FAM204A: variants seen among roughly 807,000 people sequenced by gnomAD.
The protein encoded by FAM204A is protein FAM204A.
FAM204A carries 16 observed loss-of-function variants against 35.4 expected under a neutral mutation model. The observed-to-expected ratio is 0.45, with a 90% CI of 0.31 to 0.69. FAM204A has a LOEUF of 0.69. FAM204A is among the 30% of genes least tolerant of loss of function. The pLI, the probability that FAM204A is intolerant of heterozygous loss-of-function variation, is 0.07. For synonymous variants in FAM204A, 76 were observed against 86.9 expected (o/e 0.88, Z 0.70); for missense variants, 240 against 265.7 (o/e 0.90, Z 0.67).
rs1043103269 is a variant in FAM204A, at chr10:118,302,557, C to T, written c.*8300G>A. The T allele has an allele frequency of 9.9e-5, 15 of 152,206 alleles. No individual in the cohort carries two copies. Among genetic ancestry groups the T allele is most frequent in the Admixed American group, 5.2e-4 (8 of 15,290 alleles). The allele number at this position is 152,206 out of a possible 1,614,324, so 9.4% of individuals were successfully genotyped here. On this transcript the variant is annotated 3_prime_UTR_variant, in exon 9 of 9. Coordinates refer to ENST00000369183, the MANE Select transcript of FAM204A (RefSeq NM_022063.3). Reference sequence around the variant, plus strand: ...GGACTTTAATTAAGCCCTCCACCATCGGGAATGGAACTTTTATGTACATGG... The same window carrying T: ...GGACTTTAATTAAGCCCTCCACCATTGGGAATGGAACTTTTATGTACATGG...
intron 2 of FAM204A, chr10:118,337,266 T>C (rs1846403574): frequency 2.0e-6 from 2 of 984,438 alleles, no homozygotes; most frequent in Non-Finnish European, 2.4e-6. Flanking sequence ...TTAGCACATA[T>C]ATTGAGCCAA....
chr10:118,331,843 T>TTATATATATATATA (rs55733401), intron 6 of FAM204A, among the ~76,000 whole-genome samples: 4 of 142,436 alleles, frequency 2.8e-5, no homozygotes, highest in African/African-American at 7.7e-5. Flanking sequence ...TTTGTTACCT[T>TTATATATATATATA]TATATATATA....
chr10:118,319,610 G>A (rs146650548), intron 7 of FAM204A, among the ~76,000 whole-genome samples: 11 of 151,918 alleles, frequency 7.2e-5, no homozygotes, highest in African/African-American at 2.4e-4. Flanking sequence ...CAGCACTAAG[G>A]GCTGAAGTCA....
chr10:118,324,818 A>T (rs943045492), intron 7 of FAM204A, among the ~76,000 whole-genome samples: 2 of 152,178 alleles, frequency 1.3e-5, no homozygotes, highest in Non-Finnish European at 2.9e-5. Context: ...GCTAAAAATG[A>T]TTAAGACAGT....
chr10:118,335,066 C>T (rs531272888), intron 6 of FAM204A, 48 bp downstream of exon 6: 5 of 1,392,808 alleles, frequency 3.6e-6, no homozygotes, highest in Non-Finnish European at 5.1e-6. Flanking sequence ...AGGCTAATCA[C>T]AAACATATCC....
intron 2 of FAM204A, among the ~76,000 whole-genome samples, chr10:118,336,788 T>G (rs11198367): frequency 0.21 from 31,476 of 152,040 alleles, 3,603 homozygotes; most frequent in East Asian, 0.35. Context: ...ACAACATACT[T>G]TGCAAGCAAT....
chr10:118,329,250 T>C (rs1846250560), intron 6 of FAM204A, among the ~76,000 whole-genome samples: 1 of 152,186 alleles, frequency 6.6e-6, no homozygotes, highest in South Asian at 2.1e-4. Flanking sequence ...ATTTGGAATA[T>C]TATAACCATC....
At position 118,298,989 on chromosome 10, in the gene FAM204A, T is replaced by G. The variant is rs895758935; in HGVS notation, c.*11868A>C. On this transcript the variant is annotated 3_prime_UTR_variant, in exon 9 of 9. Transcript: ENST00000369183. ...TAGCAACCACTAGACATTGTTTTGC[T>G]GCTTCACTCTAGAGAAGCCAAAATG... The G allele has an allele frequency of 2.6e-5, 4 of 152,242 alleles. No homozygotes were observed. The highest frequency in any genetic ancestry group is 2.0e-4 in the Admixed American group (3 of 15,290). 9.4% of individuals were successfully genotyped at this position (152,242 alleles called of 1,614,324 possible).
chr10:118,340,129 C>A (rs1423676060), intron 2 of FAM204A, among the ~76,000 whole-genome samples: 2 of 152,088 alleles, frequency 1.3e-5, no homozygotes, highest in Admixed American at 1.3e-4. Context: ...AGGAAAAGAC[C>A]AATTTAGTGA....
chr10:118,331,269 T>C (rs1245476589), intron 6 of FAM204A, among the ~76,000 whole-genome samples: 4 of 152,160 alleles, frequency 2.6e-5, no homozygotes, highest in African/African-American at 4.8e-5. Flanking sequence ...TTCCATACTA[T>C]AGGAGTGGCA....
chr10:118,325,624 A>C (rs1846185978), intron 7 of FAM204A, among the ~76,000 whole-genome samples: 2 of 152,160 alleles, frequency 1.3e-5, no homozygotes, highest in African/African-American at 4.8e-5. Context: ...TATAATTCAG[A>C]ATCTTCTTGT....
At chr10:118,317,240 A>G (rs1033362234) in intron 7 of FAM204A, among the ~76,000 whole-genome samples, 2 of 152,126 alleles carry the variant, frequency 1.3e-5, no homozygotes, top group African/African-American at 4.8e-5. Flanking sequence ...ACTACCACCA[A>G]TTAAGAGCTA....
At chr10:118,314,632 C>T (rs1846002741) in intron 7 of FAM204A, among the ~76,000 whole-genome samples, 1 of 152,144 alleles carries the variant, frequency 6.6e-6, no homozygotes, top group Admixed American at 6.6e-5. Flanking sequence ...AAGAAAAATG[C>T]ATCTTCATGC....
At chr10:118,335,975 T>TTC in intron 3 of FAM204A, 1 of 572,442 alleles carries the variant, frequency 1.7e-6, no homozygotes, top group Non-Finnish European at 2.9e-6. Flanking sequence ...TTTTTTTTTT[T>TTC]CCCCCTCCGT....
Position 118,304,272 on chromosome 10 carries a change from T to C in FAM204A, c.*6585A>G, listed in dbSNP as rs1226860927. ...GTGTCCATTTGACATTTCCATGGCA[T>C]TCCACAGGTACCATGACACAACAAG... On this transcript the variant is annotated 3_prime_UTR_variant, in exon 9 of 9. Transcript: ENST00000369183. 1 of 152,214 alleles carries C rather than the reference T, an allele frequency of 6.6e-6. No homozygotes were observed. Among genetic ancestry groups the C allele is most frequent in the Non-Finnish European group, 1.5e-5 (1 of 68,036 alleles). 9.4% of individuals were successfully genotyped at this position (152,214 alleles called of 1,614,324 possible). A position where few individuals can be genotyped will look rare whatever the true frequency, so the allele number is the denominator to read the frequency against.
intron 7 of FAM204A, among the ~76,000 whole-genome samples, chr10:118,324,235 T>C (rs1209314468): frequency 6.6e-6 from 1 of 151,810 alleles, no homozygotes; most frequent in Non-Finnish European, 1.5e-5. Flanking sequence ...ACTTATAAGA[T>C]GGGAAGGGGA....
Position 118,309,163 on chromosome 10 carries a change from T to C in FAM204A, c.*1694A>G, listed in dbSNP as rs1295515180. ...AAATGGAACAAGGGATATTAAATCA[T>C]AAAATAAGACTTTCCAACATTTGGT... On this transcript the variant is annotated 3_prime_UTR_variant, in exon 9 of 9. Coordinates refer to ENST00000369183, the MANE Select transcript of FAM204A (RefSeq NM_022063.3). 6.6e-6 allele frequency: 1 copy of C among 152,212 alleles called. No individual in the cohort carries two copies. Among genetic ancestry groups the C allele is most frequent in the Non-Finnish European group, 1.5e-5 (1 of 68,030 alleles). The allele number at this position is 152,212 out of a possible 1,614,324, so 9.4% of individuals were successfully genotyped here. A position where few individuals can be genotyped will look rare whatever the true frequency, so the allele number is the denominator to read the frequency against.
rs370208438 is a variant in FAM204A at position 118,335,434 on chromosome 10, G to T, written c.323-8C>A. On this transcript the variant is annotated splice_polypyrimidine_tract_variant and splice_region_variant and intron_variant, in intron 4 of 8. Coordinates refer to ENST00000369183, the MANE Select transcript of FAM204A (RefSeq NM_022063.3). ...TTTCATTCTTCAATTTATCTGAAAA[G>T]AATTCACAAAGTGTCAATACCTAAC... is the stretch of plus-strand genomic sequence containing the variant. The T allele has an allele frequency of 5.6e-6, 9 of 1,596,080 alleles. No individual in the cohort carries two copies. The highest frequency in any genetic ancestry group is 7.7e-6 in the Non-Finnish European group (9 of 1,172,304).
chr10:118,325,180 C>T (rs1186421511), intron 7 of FAM204A, among the ~76,000 whole-genome samples: 5 of 151,928 alleles, frequency 3.3e-5, no homozygotes, highest in Non-Finnish European at 7.4e-5. Flanking sequence ...AAGAAAAAGA[C>T]AAAACGAAAA....
Sources: allele counts gnomAD v4.1 joint callset (sites outside exome capture counted in the v4.1 genomes callset), GRCh38; gene constraint gnomAD v4.1.1; transcripts MANE v1.5; gene names NCBI Gene and HGNC (gene_info 2026-07-23, HGNC 2026-07-21).